Variants in TTC7A observed in about 807,000 individuals in gnomAD.
The protein encoded by TTC7A is tetratricopeptide repeat protein 7A.
Under a neutral mutation model 103.7 loss-of-function variants are expected in TTC7A, and 110 were observed. The ratio of observed to expected loss-of-function variants is 1.06; its 90% CI spans 0.91 to 1.24. The LOEUF is 1.24. TTC7A is among the 50% of genes most tolerant of loss of function. The pLI is 0.00. For missense variants in TTC7A, 1,340 were observed against 1,116.3 expected (o/e 1.20, Z -2.86); for synonymous variants, 521 against 467.9 (o/e 1.11, Z -1.47).
intron 12 of TTC7A, among the ~76,000 whole-genome samples, chr2:47,022,628 A>G (rs1679416406): frequency 6.6e-6 from 1 of 152,076 alleles, no homozygotes; most frequent in Admixed American, 6.5e-5. Context: ...CCAAACCTGG[A>G]ATAGTAATCA....
At chr2:47,048,798 A>G (rs148653248) in intron 16 of TTC7A, among the ~76,000 whole-genome samples, 1 of 151,898 alleles carries the variant, frequency 6.6e-6, no homozygotes, top group Admixed American at 6.6e-5. Context: ...AGATGGGGTC[A>G]TACTCTGTTA....
chr2:46,929,011 A>C (rs1458396711), intron 2 of TTC7A, among the ~76,000 whole-genome samples: 1 of 152,076 alleles, frequency 6.6e-6, no homozygotes, highest in African/African-American at 2.4e-5. Context: ...AAAAATACAA[A>C]AATTAGCTGG....
At chr2:47,060,305 G>A (rs889792904) in intron 18 of TTC7A, among the ~76,000 whole-genome samples, 3 of 152,142 alleles carry the variant, frequency 2.0e-5, no homozygotes, top group Admixed American at 6.5e-5. Flanking sequence ...AGGGGGCAGA[G>A]GTTACAGTGA....
At chr2:47,050,740 G>A (rs141791266) in intron 17 of TTC7A, 4 of 152,606 alleles carry the variant, frequency 2.6e-5, no homozygotes, top group South Asian at 4.1e-4. Flanking sequence ...GCACATCTCA[G>A]GGGTGTATGG....
intron 7 of TTC7A, among the ~76,000 whole-genome samples, chr2:46,994,866 G>A (rs1034765975): frequency 6.6e-6 from 1 of 152,128 alleles, no homozygotes; most frequent in African/African-American, 2.4e-5. Context: ...CCTGCTTCTT[G>A]CCCCAGCCAT....
chr2:47,004,760 G>A (rs1459537868), intron 8 of TTC7A, among the ~76,000 whole-genome samples: 2 of 151,876 alleles, frequency 1.3e-5, no homozygotes, highest in African/African-American at 2.4e-5. Context: ...TTGGAGTGGG[G>A]GTGGATATGT....
intron 11 of TTC7A, among the ~76,000 whole-genome samples, chr2:47,012,667 C>T (rs1338732543): frequency 1.3e-5 from 2 of 152,240 alleles, no homozygotes; most frequent in African/African-American, 2.4e-5. Context: ...CATGTTCCAA[C>T]CTTTCTTCCC....
intron 8 of TTC7A, chr2:46,999,944 C>A: frequency 1.0e-6 from 1 of 974,328 alleles, no homozygotes; most frequent in Non-Finnish European, 1.2e-6. Flanking sequence ...TTGTGCCATG[C>A]CCAATGCTGG....
intron 10 of TTC7A, among the ~76,000 whole-genome samples, chr2:47,008,637 C>G (rs147451730): frequency 1.9e-3 from 285 of 152,296 alleles, no homozygotes; most frequent in African/African-American, 6.4e-3. Flanking sequence ...TTCTCCACCC[C>G]CCTTGGGAAC....
At chr2:46,938,966 G>T (rs186084721), upstream of TTC7A, among the ~76,000 whole-genome samples, 1 of 150,508 alleles carries the variant, frequency 6.6e-6, no homozygotes, top group Non-Finnish European at 1.5e-5. Context: ...AGCTGAGATC[G>T]TGCCACTGCA....
chr2:47,051,407 C>A (rs1682844090), intron 17 of TTC7A, among the ~76,000 whole-genome samples: 1 of 152,226 alleles, frequency 6.6e-6, no homozygotes, highest in African/African-American at 2.4e-5. Context: ...TATACCCCCA[C>A]TTATTTTTAA....
chr2:46,950,746 T>C (rs1373244664), intron 2 of TTC7A, among the ~76,000 whole-genome samples: 2 of 152,218 alleles, frequency 1.3e-5, no homozygotes, highest in African/African-American at 4.8e-5. Flanking sequence ...ATACACAAGG[T>C]TTCAAAGACT....
At chr2:47,047,214 C>A in intron 16 of TTC7A, 5 of 1,031,326 alleles carry the variant, frequency 4.8e-6, no homozygotes, top group Non-Finnish European at 7.2e-6. Flanking sequence ...GCTGTGTCAT[C>A]TCCCTGAGGC....
intron 8 of TTC7A, among the ~76,000 whole-genome samples, chr2:47,002,413 G>A (rs1295813018): frequency 6.6e-6 from 1 of 152,190 alleles, no homozygotes; most frequent in Non-Finnish European, 1.5e-5. Flanking sequence ...GGTCACAAGT[G>A]CATTCACATC....
In TTC7A at chr2:46,945,450, A is replaced by G. The variant is rs369166068; in HGVS notation, c.184+3725A>G. Among the ~76,000 whole-genome samples, 109 of 152,294 alleles carry G rather than the reference A, an allele frequency of 7.2e-4. 2 individuals are homozygous for G. Among genetic ancestry groups the G allele is most frequent in the African/African-American group, 2.5e-3 (102 of 41,558 alleles). ...GTATTTTTAGAGACGAGGTTTCACC[A>G]TGTTGGCCAGGATGGTCTCTATCTG... On this transcript the variant is annotated intron_variant, in intron 1 of 19. Coordinates refer to ENST00000319190, the MANE Select transcript of TTC7A (RefSeq NM_020458.4).
Position 47,073,744 on chromosome 2 carries a change from A to G in TTC7A, c.2398A>G (p.Lys800Glu). The G allele has an allele frequency of 6.2e-7, 1 of 1,613,784 alleles. No individual in the cohort carries two copies. Among genetic ancestry groups the G allele is most frequent in the Non-Finnish European group, 8.5e-7 (1 of 1,180,014 alleles). Residue 800 changes from lysine (K) to glutamate (E), a missense_variant, in exon 20 of 20, where the codon AAG (lysine) becomes GAG (glutamate). By Grantham distance (56) the Lys-to-Glu change is moderately conservative (BLOSUM62 1). Transcript: ENST00000319190. ...SRLGHKSLAQ[K>E]VLRDAVERQS... ...GCTGGGCCACAAGAGCTTGGCCCAG[A>G]AGGTGCTTCGTGATGCCGTGGAGAG...
rs1677443411 is a variant in TTC7A, at chr2:47,006,697, G to C, written c.1260G>C (p.Val420=). The C allele has an allele frequency of 6.2e-7, 1 of 1,614,028 alleles. No homozygotes were observed. The highest frequency in any genetic ancestry group is 1.7e-5 in the Admixed American group (1 of 60,002). ...AFGEFHLWYQ[V]ALSMVACGKS... is the part of the protein sequence containing the mutation. ...GAGAATTTCACCTTTGGTACCAGGT[G>C]GCCCTCTCCATGGTGGCTTGTGGGA... The change falls in exon 10 of 20, where the codon GTG becomes GTC. Residue 420 remains valine, a synonymous_variant. Coordinates refer to ENST00000319190, the MANE Select transcript of TTC7A (RefSeq NM_020458.4).
At chr2:46,998,099 G>A (rs1003663059) in intron 8 of TTC7A, among the ~76,000 whole-genome samples, 1 of 152,106 alleles carries the variant, frequency 6.6e-6, no homozygotes, top group Admixed American at 6.5e-5. Context: ...GGTGTCCTGG[G>A]AGATTCCCTG....
intron 12 of TTC7A, among the ~76,000 whole-genome samples, chr2:47,022,663 C>G (rs1198407758): frequency 1.3e-5 from 2 of 152,196 alleles, no homozygotes; most frequent in Middle Eastern, 3.4e-3. Flanking sequence ...CCCCCAAACG[C>G]CAGTTGCTGG....
Sources: allele counts gnomAD v4.1 joint callset (sites outside exome capture counted in the v4.1 genomes callset), GRCh38; gene constraint gnomAD v4.1.1; transcripts MANE v1.5; gene names NCBI Gene and HGNC (gene_info 2026-07-23, HGNC 2026-07-21).